Variants in DDHD1 observed in about 807,000 individuals in gnomAD.
DDHD1 encodes phospholipase DDHD1.
DDHD1 carries 49 observed loss-of-function variants against 96.4 expected under a neutral mutation model. The observed-to-expected ratio is 0.51, with a 90% CI of 0.40 to 0.64. The LOEUF (loss-of-function observed/expected upper bound fraction) is 0.64, where lower values mean the gene tolerates loss of function less well. DDHD1 is among the 30% of genes least tolerant of loss of function. The pLI is 0.00. For missense variants in DDHD1, 1,106 were observed against 1,161.2 expected, an observed-to-expected ratio of 0.95 and a Z score of 0.69; for synonymous variants, 442 against 446.5, an observed-to-expected ratio of 0.99 and a Z score of 0.13.
At chr14:53,093,245 G>T in intron 3 of DDHD1, 71 bp downstream of exon 3, 1 of 1,457,452 alleles carries the variant, frequency 6.9e-7, no homozygotes, top group Non-Finnish European at 9.2e-7. Context: ...AATATGAATT[G>T]TCTATTTTGA....
intron 12 of DDHD1, among the ~76,000 whole-genome samples, chr14:53,050,611 T>C (rs564902852): frequency 6.6e-6 from 1 of 152,240 alleles, no homozygotes; most frequent in South Asian, 2.1e-4. Flanking sequence ...CTTTAGAAAA[T>C]ACACAATTTT....
intron 10 of DDHD1, 56 bp downstream of exon 10, chr14:53,055,604 C>CG: frequency 7.4e-7 from 1 of 1,347,342 alleles, no homozygotes; most frequent in Non-Finnish European, 9.9e-7. Flanking sequence ...GTCCCCCAAA[C>CG]TTATGTCTAG....
intron 4 of DDHD1, among the ~76,000 whole-genome samples, chr14:53,082,870 A>T (rs945740029): frequency 6.6e-6 from 1 of 151,848 alleles, no homozygotes; most frequent in African/African-American, 2.4e-5. Flanking sequence ...CTTGGGCTCA[A>T]GCAATCCAAA....
chr14:53,090,786 G>A (rs576693359), intron 4 of DDHD1, among the ~76,000 whole-genome samples: 1 of 152,082 alleles, frequency 6.6e-6, no homozygotes, highest in East Asian at 1.9e-4. Context: ...ATGAGTTAAT[G>A]GGTACAGCAA....
rs762391016 is a variant in DDHD1 at position 53,152,719 on chromosome 14, G to C, written c.380C>G (p.Pro127Arg). ...CGCGCCGCCGCCCCCCGAGTTCGTC[G>C]GGACCAGCGGAGGCTGCTGCGGCGG... ...LHPPQQPPLV[P>R]TNSGGGGATG... The change falls in exon 1 of 13, where the codon CCG (proline) becomes CGG (arginine). Residue 127 changes from proline (P) to arginine (R), a missense_variant. Pro to Arg is a moderately radical substitution (Grantham distance 103, BLOSUM62 -2). Around this residue, in one of 2 missense-constraint regions of DDHD1, gnomAD observed 456 missense variants for 402.4 expected, o/e 1.13. Coordinates refer to ENST00000673822, the MANE Select transcript of DDHD1 (RefSeq NM_001160148.2). 1 of 1,605,702 alleles carries C rather than the reference G, an allele frequency of 6.2e-7. No individual in the cohort carries two copies. Among genetic ancestry groups the C allele is most frequent in the African/African-American group, 1.3e-5 (1 of 74,488 alleles).
At chr14:53,051,521 AAGAAAT>A (rs960249172) in intron 12 of DDHD1, among the ~76,000 whole-genome samples, 2 of 151,998 alleles carry the variant, frequency 1.3e-5, no homozygotes, top group African/African-American at 4.8e-5. Flanking sequence ...ATTAAATGAA[AAGAAAT>A]AGCAAACCTC....
At chr14:53,047,538 T>C (rs1055387281) in intron 12 of DDHD1, among the ~76,000 whole-genome samples, 1 of 152,210 alleles carries the variant, frequency 6.6e-6, no homozygotes, top group African/African-American at 2.4e-5. Context: ...GGGTCTAACA[T>C]GTGCCTGGGA....
chr14:53,125,275 A>G (rs1299092901), intron 1 of DDHD1, among the ~76,000 whole-genome samples: 1 of 152,318 alleles, frequency 6.6e-6, no homozygotes, highest in African/African-American at 2.4e-5. Context: ...AGGCCATTTT[A>G]TATCAACTCT....
Position 53,045,963 on chromosome 14 carries a change from T to C in DDHD1, c.*805A>G, listed in dbSNP as rs1315705139. ...CTCCGTGTCAAGTTTAGAGAAACTT[T>C]AGCTTTCTCTGAAGTACATGTAACA... On this transcript the variant is annotated 3_prime_UTR_variant, in exon 13 of 13. Coordinates refer to ENST00000673822, the MANE Select transcript of DDHD1 (RefSeq NM_001160148.2). 2.6e-5 allele frequency: 4 copies of C among 152,232 alleles called. No individual in the cohort carries two copies. Among genetic ancestry groups the C allele is most frequent in the African/African-American group, 9.6e-5 (4 of 41,462 alleles). 9.4% of individuals were successfully genotyped at this position (152,232 alleles called of 1,614,324 possible). A position where few individuals can be genotyped will look rare whatever the true frequency, so the allele number is the denominator to read the frequency against.
At position 53,043,239 on chromosome 14, in the gene DDHD1, T is replaced by A. The variant is rs189097166; in HGVS notation, c.*3529A>T. 6.6e-6 allele frequency: 1 copy of A among 152,212 alleles called. No individual in the cohort carries two copies. The highest frequency in any genetic ancestry group is 1.5e-5 in the Non-Finnish European group (1 of 68,044). The allele number at this position is 152,212 out of a possible 1,614,324, so 9.4% of individuals were successfully genotyped here. ...AAAAAAGAGACTAAGGATGAATGTT[T>A]ACATGTCTGAGGCCTTTAGCGTGAG... is the stretch of plus-strand genomic sequence containing the variant. On this transcript the variant is annotated 3_prime_UTR_variant, in exon 13 of 13. Transcript: ENST00000673822.
intron 1 of DDHD1, among the ~76,000 whole-genome samples, chr14:53,130,706 C>G (rs1349018172): frequency 6.6e-6 from 1 of 152,208 alleles, no homozygotes; most frequent in Non-Finnish European, 1.5e-5. Context: ...CCAAGGAATG[C>G]CCGCAGCCCG....
At chr14:53,113,365 T>C (rs559495678) in intron 1 of DDHD1, among the ~76,000 whole-genome samples, 1 of 107,984 alleles carries the variant, frequency 9.3e-6, no homozygotes, top group Non-Finnish European at 1.9e-5. Flanking sequence ...TTTTTCTTTT[T>C]AAAAAAAAAA....
At chr14:53,073,653 T>G (rs1192059437) in intron 5 of DDHD1, 88 bp downstream of exon 5, 1 of 1,070,154 alleles carries the variant, frequency 9.3e-7, no homozygotes, top group Non-Finnish European at 1.4e-6. Flanking sequence ...CATTCTCAAT[T>G]AACAAAAAGT....
chr14:53,059,268 C>T (rs1341935443), intron 8 of DDHD1, among the ~76,000 whole-genome samples: 7 of 151,694 alleles, frequency 4.6e-5, no homozygotes, highest in East Asian at 3.9e-4. Context: ...TTTTTGAGAC[C>T]GAGTCTCGCT....
intron 1 of DDHD1, among the ~76,000 whole-genome samples, chr14:53,115,254 G>A (rs992554204): frequency 3.9e-5 from 6 of 152,196 alleles, no homozygotes; most frequent in Non-Finnish European, 8.8e-5. Flanking sequence ...AGTTTAACTG[G>A]TATACCTGAA....
intron 1 of DDHD1, among the ~76,000 whole-genome samples, chr14:53,138,595 T>C (rs1358527524): frequency 6.6e-6 from 1 of 152,122 alleles, no homozygotes; most frequent in Admixed American, 6.5e-5. Context: ...ACACAAAAAT[T>C]TTTGAACCCT....
intron 9 of DDHD1, among the ~76,000 whole-genome samples, chr14:53,057,134 T>C (rs1451400230): frequency 1.3e-5 from 2 of 152,324 alleles, no homozygotes; most frequent in Admixed American, 1.3e-4. Context: ...AATATGGCAG[T>C]TGTAAGTCTT....
rs545779708 is a variant in DDHD1 at position 53,152,640 on chromosome 14, G to C, written c.459C>G (p.Ala153=). ...RKRTRLGGPA[A]RHRYEVVTEL... ...CCGTCACTACCTCATAGCGGTGCCG[G>C]GCCGCCGGGCCGCCAAGCCGGGTAC... is the stretch of plus-strand genomic sequence containing the variant. The change falls in exon 1 of 13, where the codon GCC becomes GCG. Residue 153 remains alanine, a synonymous_variant. Transcript: ENST00000673822. 6.2e-7 allele frequency: 1 copy of C among 1,612,980 alleles called. No homozygotes were observed. The highest frequency in any genetic ancestry group is 2.2e-5 in the East Asian group (1 of 44,850).
At chr14:53,066,434 G>A (rs73294022) in intron 6 of DDHD1, among the ~76,000 whole-genome samples, 4,018 of 152,188 alleles carry the variant, frequency 0.026, 165 homozygotes, top group African/African-American at 0.09. Context: ...TTACAGAAGT[G>A]GCAGGCTTTG....
Sources: allele counts gnomAD v4.1 joint callset (sites outside exome capture counted in the v4.1 genomes callset), GRCh38; gene constraint gnomAD v4.1.1; regional missense constraint gnomAD v4.1.1; transcripts MANE v1.5; gene names NCBI Gene and HGNC (gene_info 2026-07-23, HGNC 2026-07-21).